Variants in PCNX2 observed in about 807,000 individuals in gnomAD.
PCNX2 encodes the protein pecanex-like protein 2.
A neutral mutation model predicts 223.8 loss-of-function variants in PCNX2; 168 were observed. The ratio of observed to expected loss-of-function variants is 0.75; its 90% CI spans 0.66 to 0.85. The LOEUF (loss-of-function observed/expected upper bound fraction) is 0.85. PCNX2 is among the 40% of genes least tolerant of loss of function. The pLI, the probability that PCNX2 is intolerant of heterozygous loss-of-function variation, is 0.00. For missense variants in PCNX2, 2,507 were observed against 2,675.5 expected (o/e 0.94, Z 1.39); for synonymous variants, 1,006 against 1,052.6 (o/e 0.96, Z 0.86).
intron 10 of PCNX2, among the ~76,000 whole-genome samples, chr1:233,222,743 G>T (rs186231730): frequency 6.6e-6 from 1 of 152,152 alleles, no homozygotes; most frequent in South Asian, 2.1e-4. Flanking sequence ...ACGACTCAAG[G>T]ACGACTCCAA....
At chr1:233,293,858 C>T (rs1661914822) in intron 1 of PCNX2, 1 of 707,988 alleles carries the variant, frequency 1.4e-6, no homozygotes, top group African/African-American at 1.9e-5. Context: ...CAGGATTTCA[C>T]CCTGGTGAGG....
chr1:232,986,666 C>A (rs923615783), intron 32 of PCNX2, 126 bp from the exon 33 acceptor site: 23 of 871,784 alleles, frequency 2.6e-5, no homozygotes, highest in Non-Finnish European at 3.6e-5. Context: ...ACCTGCAAGG[C>A]TGGGACAAGA....
intron 23 of PCNX2, among the ~76,000 whole-genome samples, chr1:233,085,426 A>G (rs1673554819): frequency 6.6e-6 from 1 of 152,158 alleles, no homozygotes; most frequent in African/African-American, 2.4e-5. Flanking sequence ...TTGAAGGTAT[A>G]TATAGACTAC....
chr1:233,059,490 C>G (rs1672324872), intron 23 of PCNX2, among the ~76,000 whole-genome samples: 1 of 152,192 alleles, frequency 6.6e-6, no homozygotes, highest in Non-Finnish European at 1.5e-5. Flanking sequence ...ACAGATCTAA[C>G]AGGTGGCACA....
At chr1:233,238,906 T>G (rs573915704) in intron 8 of PCNX2, among the ~76,000 whole-genome samples, 2 of 152,278 alleles carry the variant, frequency 1.3e-5, no homozygotes, top group South Asian at 4.1e-4. Context: ...AAATAATGCT[T>G]TTCCTTCTTG....
At chr1:233,172,751 T>C (rs1365057189) in intron 17 of PCNX2, among the ~76,000 whole-genome samples, 3 of 152,246 alleles carry the variant, frequency 2.0e-5, no homozygotes, top group Non-Finnish European at 4.4e-5. Flanking sequence ...GATAATTCCT[T>C]ATTATTTTGT....
At chr1:233,121,365 A>G (rs1199146978) in intron 21 of PCNX2, among the ~76,000 whole-genome samples, 1 of 152,230 alleles carries the variant, frequency 6.6e-6, no homozygotes. Context: ...CAACAACAGT[A>G]AACAAAAATG....
At chr1:233,084,072 T>A (rs1187419437) in intron 23 of PCNX2, among the ~76,000 whole-genome samples, 1 of 152,220 alleles carries the variant, frequency 6.6e-6, no homozygotes, top group Non-Finnish European at 1.5e-5. Flanking sequence ...GCAAACCATG[T>A]CTCTTTTGGT....
At chr1:233,130,091 T>C (rs906534374) in intron 21 of PCNX2, among the ~76,000 whole-genome samples, 1 of 151,738 alleles carries the variant, frequency 6.6e-6, no homozygotes. Flanking sequence ...TTAAGAGCTG[T>C]AACACCATGA....
intron 7 of PCNX2, among the ~76,000 whole-genome samples, chr1:233,251,102 T>C (rs1472493873): frequency 6.6e-6 from 1 of 152,236 alleles, no homozygotes; most frequent in African/African-American, 2.4e-5. Flanking sequence ...ACTTATTATT[T>C]AATTGCTTTT....
At chr1:233,223,281 G>C (rs1042811035) in intron 10 of PCNX2, among the ~76,000 whole-genome samples, 10 of 152,228 alleles carry the variant, frequency 6.6e-5, no homozygotes, top group Middle Eastern at 3.4e-3. Context: ...ACCCTGACAA[G>C]GGCAGGTTCA....
At chr1:233,166,782 A>AT (rs879389983) in intron 17 of PCNX2, among the ~76,000 whole-genome samples, 7 of 151,292 alleles carry the variant, frequency 4.6e-5, no homozygotes, top group Admixed American at 1.3e-4. Flanking sequence ...AAAATAATAT[A>AT]TTTTTTTTTG....
At chr1:233,249,455 T>G (rs73111134) in intron 8 of PCNX2, among the ~76,000 whole-genome samples, 9,474 of 152,256 alleles carry the variant, frequency 0.062, 878 homozygotes, top group African/African-American at 0.2. Context: ...CAAACCATCA[T>G]AACGTCTAGA....
At chr1:233,058,183 G>T in intron 23 of PCNX2, 1 of 439,646 alleles carries the variant, frequency 2.3e-6, no homozygotes, top group Non-Finnish European at 3.0e-6. Flanking sequence ...CCTGGCTTCT[G>T]AGAGTTAGCC....
At chr1:233,230,823 C>T (rs1658018095) in intron 9 of PCNX2, among the ~76,000 whole-genome samples, 2 of 152,066 alleles carry the variant, frequency 1.3e-5, no homozygotes, top group Admixed American at 1.3e-4. Flanking sequence ...TCAGTATATT[C>T]TTCTTAAGAA....
chr1:233,118,762 A>G (rs1675578964), intron 21 of PCNX2, among the ~76,000 whole-genome samples: 1 of 152,206 alleles, frequency 6.6e-6, no homozygotes. Context: ...AAGACAACAT[A>G]GAAAAGATGT....
rs2102866086 is a variant in PCNX2, at chr1:233,046,801, ATGT to A, written c.4351+7464_4351+7466del. 2.0e-5 allele frequency among the ~76,000 whole-genome samples: 3 copies of A among 152,258 alleles called. No homozygotes were observed. In the East Asian group the frequency reaches 5.8e-4, roughly 29 times the overall value. On this transcript the variant is annotated intron_variant, in intron 25 of 33. Transcript: ENST00000258229. ...TCTGATGAAATTCAAGGAGTCTGGT[ATGT>A]TGTTGTAATATTGACAAATAACGCC...
intron 23 of PCNX2, among the ~76,000 whole-genome samples, chr1:233,079,043 T>G (rs1420443341): frequency 6.6e-6 from 1 of 152,014 alleles, no homozygotes; most frequent in Non-Finnish European, 1.5e-5. Context: ...AGAAGGGAAG[T>G]GGAAGGACCA....
At chr1:233,295,933 TCTTC>T (rs369358111), upstream of PCNX2, among the ~76,000 whole-genome samples, 196 of 142,888 alleles carry the variant, frequency 1.4e-3, 1 homozygote, top group African/African-American at 4.5e-3. This position sits in a 1 kb window ranked among gnomAD's most constrained non-coding sequence, Gnocchi z 4.1. Context: ...TCTCTCTCTT[TCTTC>T]CTTCCTTCCT....
Sources: gnomAD v4.1 joint callset for allele counts (sites outside exome capture counted in the v4.1 genomes callset) on GRCh38, gnomAD v4.1.1 for gene constraint, Gnocchi (gnomAD v3.1) non-coding constraint, MANE v1.5 for transcripts, NCBI Gene and HGNC (gene_info 2026-07-23, HGNC 2026-07-21) for gene names.